The following DPRX variants were observed in gnomAD, a reference collection of about 807,000 sequenced individuals.
DPRX encodes divergent-paired related homeobox.
Under a neutral mutation model 8.4 loss-of-function variants are expected in DPRX, and 11 were observed. The observed-to-expected ratio is 1.31, with a 90% confidence interval of 0.82 to 2.17. The LOEUF is 2.17. Ranked by LOEUF, DPRX falls within the 30% of genes most tolerant of loss-of-function variation. The pLI is 0.00. For synonymous variants in DPRX, 72 were observed against 87.0 expected (o/e 0.83, Z 0.96); for missense variants, 211 against 236.7 (o/e 0.89, Z 0.71).
rs773783199 is a variant in DPRX, at chr19:53,636,846, T to C, written c.434T>C (p.Ile145Thr). ...CTCAAGGTCCCTGCAAATGACTTCA[T>C]TGGCCACAGAATAGTCCATTTTGGC... is the stretch of plus-strand genomic sequence containing the variant. Residue 145 changes from isoleucine to threonine, a missense_variant, in exon 3 of 3, where the codon ATT (isoleucine) becomes ACT (threonine). Transcript: ENST00000376650. 3 of 1,614,048 alleles carry C rather than the reference T, an allele frequency of 1.9e-6. No individual in the cohort carries two copies. The highest frequency in any genetic ancestry group is 3.3e-5 in the Admixed American group (2 of 59,982).
At chr19:53,627,755 C>T (rs1254085084), upstream of DPRX, among the ~76,000 whole-genome samples, 4 of 146,628 alleles carry the variant, frequency 2.7e-5, no homozygotes, top group African/African-American at 5.0e-5. Flanking sequence ...TTTTTCTTAA[C>T]ACAAAAAGTT....
At chr19:53,609,263 T>C in the DPRX span, among the ~76,000 whole-genome samples, 55 of 144,920 alleles carry the variant, frequency 3.8e-4, no homozygotes, top group Non-Finnish European at 6.6e-4. Context: ...AGCTCAGGAG[T>C]TCAAGACCAG....
the DPRX span, among the ~76,000 whole-genome samples, chr19:53,612,598 T>C: frequency 3.3e-5 from 5 of 151,780 alleles, no homozygotes; most frequent in East Asian, 1.9e-4. Context: ...TCCTAGCTAA[T>C]TGGGAGGCCG....
the DPRX span, chr19:53,601,306 GT>G: frequency 6.6e-6 from 3 of 456,448 alleles, no homozygotes; most frequent in Non-Finnish European, 1.3e-5. Flanking sequence ...GGTCTCAGTG[GT>G]CATCTGCATC....
the DPRX span, among the ~76,000 whole-genome samples, chr19:53,610,288 C>T: frequency 6.6e-6 from 1 of 151,362 alleles, no homozygotes; most frequent in South Asian, 2.1e-4. Flanking sequence ...CCATTGCACT[C>T]CAGCCTGGGC....
At chr19:53,634,240 A>G (rs1172070265) in intron 1 of DPRX, among the ~76,000 whole-genome samples, 1 of 152,066 alleles carries the variant, frequency 6.6e-6, no homozygotes, top group African/African-American at 2.4e-5. Flanking sequence ...AGACCAGCCT[A>G]GCCAACATGG....
At chr19:53,615,266 C>G in the DPRX span, among the ~76,000 whole-genome samples, 1 of 150,584 alleles carries the variant, frequency 6.6e-6, no homozygotes, top group African/African-American at 2.4e-5. Flanking sequence ...GCTACTGTGT[C>G]CAGCCAGATC....
the DPRX span, among the ~76,000 whole-genome samples, chr19:53,615,266 C>T: frequency 3.1e-4 from 47 of 150,584 alleles, no homozygotes; most frequent in Admixed American, 2.4e-3. Context: ...GCTACTGTGT[C>T]CAGCCAGATC....
intron 1 of DPRX, among the ~76,000 whole-genome samples, chr19:53,633,803 C>A (rs979259583): frequency 6.6e-6 from 1 of 151,972 alleles, no homozygotes; most frequent in African/African-American, 2.4e-5. Flanking sequence ...CCACTGTGCC[C>A]GGCCAAATTT....
At chr19:53,602,309 T>TGC in the DPRX span, 1 of 317,286 alleles carries the variant, frequency 3.2e-6, no homozygotes, top group Non-Finnish European at 6.1e-6. Context: ...TGTGTGTGTG[T>TGC]GTGCCAGCCT....
At chr19:53,632,100 T>A in exon 1 of DPRX, 2 of 1,613,884 alleles carry the variant, frequency 1.2e-6, no homozygotes, top group Non-Finnish European at 1.7e-6. Flanking sequence ...CACATCTGGA[T>A]TAGAAGATGC....
upstream of DPRX, among the ~76,000 whole-genome samples, chr19:53,631,782 G>T (rs2091093684): frequency 6.6e-6 from 1 of 152,006 alleles, no homozygotes; most frequent in Non-Finnish European, 1.5e-5. Context: ...AAAAAGAAAA[G>T]AAATTGCAGC....
At chr19:53,608,569 G>A in the DPRX span, 1 of 152,324 alleles carries the variant, frequency 6.6e-6, no homozygotes, top group Admixed American at 6.6e-5. Flanking sequence ...TTTCCCGCAG[G>A]GGTGATGAAA....
chr19:53,602,197 C>T, the DPRX span: 1 of 449,730 alleles, frequency 2.2e-6, no homozygotes, highest in South Asian at 1.6e-5. Context: ...AGAACAGGTT[C>T]AACTTCAGAA....
upstream of DPRX, among the ~76,000 whole-genome samples, chr19:53,629,262 G>T (rs1396420274): frequency 6.8e-6 from 1 of 147,792 alleles, no homozygotes; most frequent in Non-Finnish European, 1.5e-5. Context: ...GTTGCAGTGA[G>T]CTGAGATCCT....
At chr19:53,617,351 G>T in the DPRX span, 5 of 510,542 alleles carry the variant, frequency 9.8e-6, no homozygotes, top group Admixed American at 6.0e-5. Flanking sequence ...CTGAGGTCAG[G>T]AGTTCGAGAT....
At chr19:53,603,321 A>G in the DPRX span, 4 of 455,474 alleles carry the variant, frequency 8.8e-6, no homozygotes, top group Admixed American at 4.7e-5. Flanking sequence ...ATCAGGTTCA[A>G]AACACCCCGC....
chr19:53,627,361 G>A (rs893050347), upstream of DPRX, among the ~76,000 whole-genome samples: 1 of 151,862 alleles, frequency 6.6e-6, no homozygotes, highest in Non-Finnish European at 1.5e-5. Context: ...ATATACTGAG[G>A]CCTCTCACAA....
exon 3 of DPRX, chr19:53,636,760 G>C: frequency 1.2e-6 from 2 of 1,614,164 alleles, no homozygotes; most frequent in South Asian, 1.1e-5. Context: ...CTGCTCACCC[G>C]ATCGGCCTGG....
Sources: gnomAD v4.1 joint callset for allele counts (sites outside exome capture counted in the v4.1 genomes callset) on GRCh38, gnomAD v4.1.1 for gene constraint, MANE v1.5 for transcripts, NCBI Gene and HGNC (gene_info 2026-07-23, HGNC 2026-07-21) for gene names.